Variants in MYRIP observed in about 807,000 individuals in gnomAD.
MYRIP encodes myosin VIIA and Rab interacting protein.
Under a neutral mutation model 98.0 loss-of-function variants are expected in MYRIP, and 49 were observed. The ratio of observed to expected loss-of-function variants is 0.50; its 90% CI spans 0.40 to 0.63. The LOEUF (loss-of-function observed/expected upper bound fraction) is 0.63, where lower values mean the gene tolerates loss of function less well. Among genes scored for constraint, MYRIP ranks in the 30% least tolerant of loss-of-function variants. MYRIP has a pLI of 0.00. For synonymous variants in MYRIP, 404 were observed against 409.5 expected (o/e 0.99, Z 0.16); for missense variants, 1,004 against 1,058.2 (o/e 0.95, Z 0.71).
chr3:40,076,413 C>G (rs1373370942), intron 3 of MYRIP, among the ~76,000 whole-genome samples: 2 of 152,188 alleles, frequency 1.3e-5, no homozygotes, highest in Non-Finnish European at 2.9e-5. Context: ...CTTGGCAGAG[C>G]TTTGGAAAAA....
chr3:39,873,345 A>G lies in MYRIP; in HGVS notation c.-30-27442A>G, dbSNP rs541640189. On this transcript the variant is annotated intron_variant, in intron 1 of 16. Transcript: ENST00000302541. Reference sequence around the variant, plus strand: ...TGTGCAGAAGCTCCTTAGTTTAATGAGATCCCATTTGTCAATTTTGGCTTT... The same window carrying G: ...TGTGCAGAAGCTCCTTAGTTTAATGGGATCCCATTTGTCAATTTTGGCTTT... Among the ~76,000 whole-genome samples, 7 of 152,252 alleles carry G rather than the reference A, an allele frequency of 4.6e-5. No homozygotes were observed. In the East Asian group the frequency reaches 1.4e-3, roughly 29 times the overall value.
intron 2 of MYRIP, among the ~76,000 whole-genome samples, chr3:40,003,938 T>C (rs2125788342): frequency 6.6e-6 from 1 of 152,272 alleles, no homozygotes; most frequent in African/African-American, 2.4e-5. Flanking sequence ...GACTGTCAAG[T>C]TTATTAATTT....
rs866211320 is a variant in MYRIP, at chr3:39,924,689, A to G, written c.110+23763A>G. On this transcript the variant is annotated intron_variant, in intron 2 of 16. Coordinates refer to ENST00000302541, the MANE Select transcript of MYRIP (RefSeq NM_015460.4). ...ACAACAGCAGAACTCAAATGGCAAC[A>G]GAATATATATTGAGACCATATTCTG... Among the ~76,000 whole-genome samples, 5 of 152,142 alleles carry G rather than the reference A, an allele frequency of 3.3e-5. No homozygotes were observed. The South Asian group carries it at 6.2e-4, about 19-fold the overall frequency.
At chr3:40,063,381 C>G (rs1948059813) in intron 3 of MYRIP, among the ~76,000 whole-genome samples, 1 of 152,102 alleles carries the variant, frequency 6.6e-6, no homozygotes, top group African/African-American at 2.4e-5. Flanking sequence ...AGAGAGTGTC[C>G]TTGTTCTTGG....
chr3:40,139,460 T>C (rs1346234987), intron 3 of MYRIP, among the ~76,000 whole-genome samples: 2 of 152,364 alleles, frequency 1.3e-5, no homozygotes, highest in Admixed American at 1.3e-4. Context: ...TCAATGTAGA[T>C]TAATTTTCCT....
intron 2 of MYRIP, among the ~76,000 whole-genome samples, chr3:40,024,594 T>C (rs1286865122): frequency 2.0e-5 from 3 of 151,732 alleles, no homozygotes; most frequent in Non-Finnish European, 4.4e-5. Flanking sequence ...TACATGTCCC[T>C]GGCCAAAGTC....
At chr3:40,110,207 C>T (rs1345653385) in intron 3 of MYRIP, among the ~76,000 whole-genome samples, 5 of 152,200 alleles carry the variant, frequency 3.3e-5, no homozygotes, top group Admixed American at 3.3e-4. Flanking sequence ...GGAATTTTTA[C>T]TTTGAAAAGC....
chr3:39,878,055 G>GC (rs1559506392), intron 1 of MYRIP, among the ~76,000 whole-genome samples: 1 of 151,936 alleles, frequency 6.6e-6, no homozygotes, highest in Non-Finnish European at 1.5e-5. Flanking sequence ...AATGGCAGGC[G>GC]CCCCTCCCCC....
intron 11 of MYRIP, among the ~76,000 whole-genome samples, chr3:40,229,264 A>C (rs1952576231): frequency 1.3e-5 from 2 of 152,242 alleles, no homozygotes; most frequent in South Asian, 4.1e-4. Context: ...TTATACGGAG[A>C]GAAAGCATAT....
upstream of MYRIP, chr3:39,809,539 G>GCTCCCCC (rs1940588598): frequency 6.7e-6 from 1 of 149,174 alleles, no homozygotes; most frequent in African/African-American, 2.4e-5. Flanking sequence ...CGCCTCCGCA[G>GCTCCCCC]GCTCCCCCGC....
chr3:39,887,904 A>G (rs1298816983), intron 1 of MYRIP, among the ~76,000 whole-genome samples: 1 of 152,044 alleles, frequency 6.6e-6, no homozygotes, highest in East Asian at 1.9e-4. Flanking sequence ...AGAGAGCCAA[A>G]TCATGAGTGA....
Position 40,041,022 on chromosome 3 carries a change from GAAA to G in MYRIP, c.111-3010_111-3008del. Among the ~76,000 whole-genome samples, 168 of 41,194 alleles carry G rather than the reference GAAA, an allele frequency of 4.1e-3. 2 individuals carry two copies. The highest frequency in any genetic ancestry group is 0.013 in the African/African-American group (152 of 11,332). The allele number at this position is 41,194 out of a possible 152,430, so 27.0% of individuals were successfully genotyped here. On this transcript the variant is annotated intron_variant, in intron 2 of 16. Transcript: ENST00000302541. ...AAAAAAAAAGAAAATATTACCAGCAGAAAAAAAAAAAAAAAAAAAATCAAAGCA... is the reference window on the plus strand; with the variant it reads ...AAAAAAAAAGAAAATATTACCAGCAGAAAAAAAAAAAAAAAAATCAAAGCA...
At chr3:40,042,288 T>TAAA (rs66600615) in intron 2 of MYRIP, among the ~76,000 whole-genome samples, 3 of 112,554 alleles carry the variant, frequency 2.7e-5, no homozygotes, top group Non-Finnish European at 3.8e-5. Flanking sequence ...ACTGGAAGGA[T>TAAA]AAAAAAAAAA....
intron 1 of MYRIP, among the ~76,000 whole-genome samples, chr3:39,883,032 G>A (rs1046205038): frequency 6.6e-6 from 1 of 152,094 alleles, no homozygotes; most frequent in African/African-American, 2.4e-5. Flanking sequence ...AGAGTCATTG[G>A]GCCAGAGCCC....
chr3:40,127,115 T>C (rs1468313702), intron 3 of MYRIP, among the ~76,000 whole-genome samples: 2 of 152,254 alleles, frequency 1.3e-5, no homozygotes, highest in Non-Finnish European at 2.9e-5. Flanking sequence ...CCTTTTGTTT[T>C]ACTTCTTTAG....
At chr3:39,974,385 GC>G (rs200612431) in intron 2 of MYRIP, among the ~76,000 whole-genome samples, 3,322 of 152,180 alleles carry the variant, frequency 0.022, 55 homozygotes, top group Non-Finnish European at 0.034. Context: ...CCAATAACAG[GC>G]TCTGAAATTC....
chr3:40,016,475 A>G (rs560442042), intron 2 of MYRIP, among the ~76,000 whole-genome samples: 1 of 152,278 alleles, frequency 6.6e-6, no homozygotes, highest in African/African-American at 2.4e-5. Flanking sequence ...TAGGATACAA[A>G]AAGCCCAGCC....
At chr3:39,955,953 A>C (rs1415698657) in intron 2 of MYRIP, among the ~76,000 whole-genome samples, 2 of 152,164 alleles carry the variant, frequency 1.3e-5, no homozygotes, top group Non-Finnish European at 2.9e-5. Context: ...AATGGTAAAG[A>C]GATCAATTCC....
At position 39,932,629 on chromosome 3, in the gene MYRIP, C is replaced by A. The variant is rs115872897; in HGVS notation, c.110+31703C>A. On this transcript the variant is annotated intron_variant, in intron 2 of 16. Coordinates refer to ENST00000302541, the MANE Select transcript of MYRIP (RefSeq NM_015460.4). ...CTCGATCTCCTGACATCGTGATCTA[C>A]CCGCCTTGGCCTCCCAACACAAGAT... is the stretch of plus-strand genomic sequence containing the variant. Among the ~76,000 whole-genome samples, 902 of 152,212 alleles carry A rather than the reference C, an allele frequency of 5.9e-3. 9 individuals carry two copies. The highest frequency in any genetic ancestry group is 0.02 in the African/African-American group (849 of 41,510).
Sources: gnomAD v4.1 joint callset for allele counts (sites outside exome capture counted in the v4.1 genomes callset) on GRCh38, gnomAD v4.1.1 for gene constraint, MANE v1.5 for transcripts, NCBI Gene and HGNC (gene_info 2026-07-23, HGNC 2026-07-21) for gene names.